NRP2: variants seen among roughly 807,000 people sequenced by gnomAD.
NRP2 encodes the protein neuropilin-2.
NRP2 carries 52 observed loss-of-function variants against 110.4 expected under a neutral mutation model. The observed-to-expected ratio is 0.47, with a 90% confidence interval of 0.38 to 0.59. The LOEUF (loss-of-function observed/expected upper bound fraction) is 0.59. NRP2 is among the 20% of genes least tolerant of loss of function. The pLI is 0.00. For missense variants in NRP2, 1,049 were observed against 1,203.0 expected, an observed-to-expected ratio of 0.87 and a Z score of 1.89; for synonymous variants, 508 against 468.9, an observed-to-expected ratio of 1.08 and a Z score of -1.08.
chr2:205,783,574 G>A (rs2058201474), intron 15 of NRP2, among the ~76,000 whole-genome samples: 3 of 152,180 alleles, frequency 2.0e-5, no homozygotes, highest in African/African-American at 7.2e-5. Context: ...CCCCAAGAGG[G>A]GCAGACCTTG....
At chr2:205,780,638 C>T (rs1008139092) in intron 15 of NRP2, among the ~76,000 whole-genome samples, 1 of 152,136 alleles carries the variant, frequency 6.6e-6, no homozygotes, top group Non-Finnish European at 1.5e-5. Flanking sequence ...AACCTGGGAG[C>T]CCTCCTCAGG....
Position 205,723,778 on chromosome 2 carries a change from T to A in NRP2, c.665-7T>A, listed in dbSNP as rs776881045. The A allele has an allele frequency of 1.2e-6, 2 of 1,614,040 alleles. No homozygotes were observed. The highest frequency in any genetic ancestry group is 1.7e-6 in the Non-Finnish European group (2 of 1,180,004). On this transcript the variant is annotated splice_polypyrimidine_tract_variant and splice_region_variant and intron_variant, in intron 4 of 16. Coordinates refer to ENST00000357785, the MANE Select transcript of NRP2 (RefSeq NM_003872.3). ...TCCACTGACTTCTCTTTGTCTTGAA[T>A]GTCCAGTTGGCCCCCTGATTGGCAA... is the stretch of plus-strand genomic sequence containing the variant.
rs558342695 is a variant in NRP2, at chr2:205,717,034, C to A, written c.433+660C>A. Among the ~76,000 whole-genome samples the A allele has an allele frequency of 5.9e-5, 9 of 152,286 alleles. No homozygotes were observed. In the East Asian group the frequency reaches 1.7e-3, roughly 29 times the overall value. The stretch of plus-strand genomic sequence containing the variant: ...TTGACTGCTTGATTTCCATCAGGTC[C>A]CCCTTAGATTACTTTAGGGCCTGAG... On this transcript the variant is annotated intron_variant, in intron 3 of 16. Transcript: ENST00000357785.
intron 15 of NRP2, among the ~76,000 whole-genome samples, chr2:205,775,151 A>G (rs953469482): frequency 6.6e-6 from 1 of 152,182 alleles, no homozygotes; most frequent in Non-Finnish European, 1.5e-5. Context: ...TAGGAGAAGC[A>G]TATATCATTT....
At chr2:205,771,742 G>A (rs904847004) in intron 15 of NRP2, among the ~76,000 whole-genome samples, 32 of 152,206 alleles carry the variant, frequency 2.1e-4, no homozygotes, top group African/African-American at 7.5e-4. Flanking sequence ...CTCCCTACTT[G>A]GTTAGAGCAA....
chr2:205,776,559 G>A (rs767286247), intron 15 of NRP2: 4 of 1,600,470 alleles, frequency 2.5e-6, no homozygotes, highest in South Asian at 1.1e-5. Flanking sequence ...CAAAACAAAC[G>A]AGAAAGACTG....
At chr2:205,777,701 G>T (rs1178911759) in intron 15 of NRP2, 1 of 152,122 alleles carries the variant, frequency 6.6e-6, no homozygotes, top group Non-Finnish European at 1.5e-5. Context: ...GGGGGAAAAG[G>T]GATCATTTGC....
intron 15 of NRP2, chr2:205,779,065 C>G (rs1559365462): frequency 2.0e-5 from 3 of 152,216 alleles, no homozygotes; most frequent in Non-Finnish European, 4.4e-5. Flanking sequence ...GAAAAATAGA[C>G]TGGACAGGCG....
chr2:205,745,501 T>C (rs76648067), intron 9 of NRP2, among the ~76,000 whole-genome samples: 7,272 of 152,234 alleles, frequency 0.048, 501 homozygotes, highest in African/African-American at 0.16. Flanking sequence ...ACCTGGAAAT[T>C]GCCACCTTTG....
intron 1 of NRP2, among the ~76,000 whole-genome samples, chr2:205,685,626 G>A (rs2056133827): frequency 6.6e-6 from 1 of 152,204 alleles, no homozygotes; most frequent in African/African-American, 2.4e-5. Flanking sequence ...GCACCAGGCT[G>A]CCCCTCTCCT....
chr2:205,730,029 C>T (rs1266561977), intron 7 of NRP2, among the ~76,000 whole-genome samples: 1 of 152,138 alleles, frequency 6.6e-6, no homozygotes, highest in African/African-American at 2.4e-5. Context: ...CCATTCTCTT[C>T]CCCATTAGAA....
In NRP2 at chr2:205,697,678, C is replaced by T; in HGVS notation, c.208C>T (p.Leu70Phe). The T allele has an allele frequency of 6.2e-7, 1 of 1,614,042 alleles. No homozygotes were observed. The highest frequency in any genetic ancestry group is 1.1e-5 in the South Asian group (1 of 91,062). The change falls in exon 2 of 17, where the codon CTC (leucine) becomes TTC (phenylalanine). Residue 70 changes from leucine to phenylalanine, a missense_variant. Transcript: ENST00000357785. ...YAPEPNQKIVLNFNPHFEIEK... is the reference protein window; with the variant it reads ...YAPEPNQKIVFNFNPHFEIEK... ...CCCCGAACCCAACCAGAAGATTGTC[C>T]TCAACTTCAACCCTCACTTTGAAAT...
chr2:205,715,673 T>C (rs781562427), intron 2 of NRP2, among the ~76,000 whole-genome samples: 20 of 152,214 alleles, frequency 1.3e-4, no homozygotes, highest in Admixed American at 2.6e-4. Context: ...AACAAATGTC[T>C]CTGAAACATC....
At chr2:205,789,152 G>C (rs2058269808) in intron 15 of NRP2, among the ~76,000 whole-genome samples, 1 of 152,130 alleles carries the variant, frequency 6.6e-6, no homozygotes, top group Non-Finnish European at 1.5e-5. Flanking sequence ...TTATTAGAAG[G>C]GGGCAGTAGG....
At chr2:205,736,291 A>G (rs1329075603) in intron 7 of NRP2, among the ~76,000 whole-genome samples, 3 of 152,178 alleles carry the variant, frequency 2.0e-5, no homozygotes, top group African/African-American at 4.8e-5. Context: ...GCAGTGAGCC[A>G]AGATTGTGCC....
intron 1 of NRP2, among the ~76,000 whole-genome samples, chr2:205,688,477 A>C (rs967325778): frequency 4.6e-5 from 7 of 152,226 alleles, no homozygotes; most frequent in African/African-American, 1.4e-4. Context: ...AGAAATGGTC[A>C]GAGGCTTAAT....
chr2:205,747,622 C>T (rs764856021), intron 10 of NRP2, among the ~76,000 whole-genome samples: 15 of 152,230 alleles, frequency 9.9e-5, no homozygotes, highest in Admixed American at 4.6e-4. Context: ...GAGAGTGATG[C>T]GTGGTTTGGG....
intron 2 of NRP2, among the ~76,000 whole-genome samples, chr2:205,710,083 G>A (rs2056766342): frequency 6.6e-6 from 1 of 152,284 alleles, no homozygotes; most frequent in South Asian, 2.1e-4. Context: ...GCAAGATTCT[G>A]TTAAGTCTCT....
chr2:205,775,114 T>C (rs1483528011), intron 15 of NRP2, among the ~76,000 whole-genome samples: 1 of 152,194 alleles, frequency 6.6e-6, no homozygotes, highest in Admixed American at 6.5e-5. Context: ...TCCGGCTTAA[T>C]GCAAACAGCT....
Sources: allele counts gnomAD v4.1 joint callset (sites outside exome capture counted in the v4.1 genomes callset), GRCh38; gene constraint gnomAD v4.1.1; transcripts MANE v1.5; gene names NCBI Gene and HGNC (gene_info 2026-07-23, HGNC 2026-07-21).